HECW1: variants seen among roughly 807,000 people sequenced by gnomAD.
HECW1 encodes E3 ubiquitin-protein ligase HECW1.
A neutral mutation model predicts 182.3 loss-of-function variants in HECW1; 61 were observed. That is an observed-to-expected ratio of 0.33 (90% CI 0.27 to 0.41). The LOEUF (loss-of-function observed/expected upper bound fraction) is 0.41, where lower values mean the gene tolerates loss of function less well. Among genes scored for constraint, HECW1 ranks in the 10% least tolerant of loss-of-function variants. HECW1 has a pLI of 1.00. For missense variants in HECW1, 1,739 were observed against 2,108.9 expected (o/e 0.82, Z 3.44); for synonymous variants, 859 against 832.6 (o/e 1.03, Z -0.55).
chr7:43,308,710 C>T (rs1328009625), intron 3 of HECW1, among the ~76,000 whole-genome samples: 1 of 152,108 alleles, frequency 6.6e-6, no homozygotes, highest in Admixed American at 6.6e-5. Flanking sequence ...CAACCTCCGC[C>T]TCCTGGGTTC....
chr7:43,446,942 A>G (rs184934002), intron 11 of HECW1, among the ~76,000 whole-genome samples: 1 of 152,314 alleles, frequency 6.6e-6, no homozygotes, highest in African/African-American at 2.4e-5. Context: ...AGGAAGATGG[A>G]GTGGCATCAG....
chr7:43,348,349 C>T (rs1467063808), intron 5 of HECW1, among the ~76,000 whole-genome samples: 3 of 152,062 alleles, frequency 2.0e-5, no homozygotes, highest in Admixed American at 6.6e-5. Flanking sequence ...TCTGTGGTAT[C>T]AGTTGTAATA....
At chr7:43,417,631 G>A (rs955777608) in intron 8 of HECW1, among the ~76,000 whole-genome samples, 5 of 152,222 alleles carry the variant, frequency 3.3e-5, no homozygotes, top group African/African-American at 4.8e-5. Flanking sequence ...GGGAGGCTGC[G>A]GTGGGAGTAT....
rs191737602 is a variant in HECW1, at chr7:43,192,874, G to T, written c.-31-51001G>T. 2.0e-3 allele frequency among the ~76,000 whole-genome samples: 297 copies of T among 152,290 alleles called. 2 individuals carry two copies. The highest frequency in any genetic ancestry group is 0.011 in the South Asian group (55 of 4,816). On this transcript the variant is annotated intron_variant, in intron 2 of 29. Coordinates refer to ENST00000395891, the MANE Select transcript of HECW1 (RefSeq NM_015052.5). ...TTACACAGGAAGGACTTCAAGAGCC[G>T]GCTCACAGGGTAAAGTGAAAGCAAG...
intron 6 of HECW1, among the ~76,000 whole-genome samples, chr7:43,376,389 G>A (rs2074325560): frequency 6.6e-6 from 1 of 152,100 alleles, no homozygotes; most frequent in African/African-American, 2.4e-5. Flanking sequence ...AGTCTCCCTG[G>A]GATGGGGGTA....
Position 43,115,299 on chromosome 7 carries a change from C to T in HECW1, c.-32+908C>T, listed in dbSNP as rs372476016. Among the ~76,000 whole-genome samples, 89 of 138,168 alleles carry T rather than the reference C, an allele frequency of 6.4e-4. No homozygotes were observed. The East Asian group carries it at 0.012, about 19-fold the overall frequency. 90.6% of individuals were successfully genotyped at this position (138,168 alleles called of 152,430 possible). A position where few individuals can be genotyped will look rare whatever the true frequency, so the allele number is the denominator to read the frequency against. ...AAATTACTCACCAACTCAAACAGGT[C>T]TTTTTTTTTTTTTTTTGTCCACTAT... On this transcript the variant is annotated intron_variant, in intron 2 of 29. Transcript: ENST00000395891.
At chr7:43,424,323 A>G (rs1190016662) in intron 8 of HECW1, among the ~76,000 whole-genome samples, 1 of 152,172 alleles carries the variant, frequency 6.6e-6, no homozygotes, top group East Asian at 1.9e-4. Flanking sequence ...AAAAGTTACT[A>G]AAAAAATACG....
chr7:43,183,550 A>G (rs768411625), intron 2 of HECW1, among the ~76,000 whole-genome samples: 13 of 152,336 alleles, frequency 8.5e-5, no homozygotes, highest in Non-Finnish European at 1.6e-4. Context: ...ATTTAAAAAT[A>G]TTGCTGATAT....
chr7:43,319,336 G>A (rs1220900113), intron 4 of HECW1, among the ~76,000 whole-genome samples: 9 of 141,866 alleles, frequency 6.3e-5, no homozygotes, highest in Middle Eastern at 3.7e-3. Context: ...GCAGTGAGCC[G>A]AGATTGCGCC....
At chr7:43,286,062 G>C (rs192288391) in intron 3 of HECW1, among the ~76,000 whole-genome samples, 3 of 152,056 alleles carry the variant, frequency 2.0e-5, no homozygotes, top group African/African-American at 7.2e-5. Flanking sequence ...AGAGACCTTC[G>C]AGCCATGTCC....
chr7:43,450,506 G>A (rs935246215), intron 11 of HECW1, among the ~76,000 whole-genome samples: 1 of 152,128 alleles, frequency 6.6e-6, no homozygotes, highest in Non-Finnish European at 1.5e-5. Context: ...ATCAGGCTCT[G>A]CTAATTTTCT....
intron 5 of HECW1, among the ~76,000 whole-genome samples, chr7:43,328,050 G>A (rs1023669628): frequency 6.6e-6 from 1 of 151,308 alleles, no homozygotes; most frequent in African/African-American, 2.4e-5. Context: ...AGGCATAGTG[G>A]CTCACACCTA....
intron 5 of HECW1, among the ~76,000 whole-genome samples, chr7:43,327,847 G>A (rs1212844483): frequency 6.6e-6 from 1 of 152,082 alleles, no homozygotes; most frequent in East Asian, 1.9e-4. Flanking sequence ...GTGCTAATGG[G>A]ATGTAGAAAG....
intron 7 of HECW1, among the ~76,000 whole-genome samples, chr7:43,406,660 GTA>G (rs2075619733): frequency 6.6e-6 from 1 of 152,154 alleles, no homozygotes; most frequent in Non-Finnish European, 1.5e-5. Flanking sequence ...GCTCACACCT[GTA>G]ATCCCAACAC....
Position 43,146,307 on chromosome 7 carries a change from C to T in HECW1, c.-32+31916C>T, listed in dbSNP as rs569537046. 3.3e-5 allele frequency among the ~76,000 whole-genome samples: 5 copies of T among 152,142 alleles called. No individual in the cohort carries two copies. In the South Asian group the frequency reaches 1.0e-3, roughly 32 times the overall value. ...TGGCAGCATCTCTGGCTTCTGCTTG[C>T]TAGTAGCAGCTGCACCCACCCTACC... On this transcript the variant is annotated intron_variant, in intron 2 of 29. Transcript: ENST00000395891.
At chr7:43,461,326 G>A (rs1415203143) in intron 13 of HECW1, among the ~76,000 whole-genome samples, 1 of 152,252 alleles carries the variant, frequency 6.6e-6, no homozygotes, top group Non-Finnish European at 1.5e-5. Context: ...GAGCATGGCT[G>A]CTAAGTTCCA....
intron 2 of HECW1, among the ~76,000 whole-genome samples, chr7:43,139,008 A>G (rs1787872446): frequency 6.6e-6 from 1 of 151,832 alleles, no homozygotes; most frequent in South Asian, 2.1e-4. Context: ...TGTTTGTTTT[A>G]ATAACATTTA....
At chr7:43,280,847 G>A (rs1043068132) in intron 3 of HECW1, among the ~76,000 whole-genome samples, 1 of 152,112 alleles carries the variant, frequency 6.6e-6, no homozygotes. Flanking sequence ...TGCTCACTAG[G>A]AGCAAATGGG....
chr7:43,164,623 G>T (rs74431384), intron 2 of HECW1, among the ~76,000 whole-genome samples: 2 of 152,360 alleles, frequency 1.3e-5, no homozygotes, highest in African/African-American at 4.8e-5. Flanking sequence ...AGGGCCAGCA[G>T]CCATGGCACA....
Sources: gnomAD v4.1 joint callset for allele counts (sites outside exome capture counted in the v4.1 genomes callset) on GRCh38, gnomAD v4.1.1 for gene constraint, MANE v1.5 for transcripts, NCBI Gene and HGNC (gene_info 2026-07-23, HGNC 2026-07-21) for gene names.